Variants in SRA1 observed in about 807,000 individuals in gnomAD.
SRA1 encodes the protein steroid receptor RNA activator 1, also known as lncRNA SRA.
Under a neutral mutation model 24.3 loss-of-function variants are expected in SRA1, and 25 were observed. The ratio of observed to expected loss-of-function variants is 1.03; its 90% CI spans 0.75 to 1.43. The LOEUF is 1.43. SRA1 is among the 40% of genes most tolerant of loss of function. SRA1 has a pLI of 0.00. For missense variants in SRA1, 303 were observed against 286.6 expected (o/e 1.06, Z -0.41); for synonymous variants, 104 against 109.5 (o/e 0.95, Z 0.31).
In SRA1 at chr5:140,550,636, G is replaced by A; in HGVS notation, c.*64C>T. ...CAGTCTTGGTGGTGGTAAGAAGGGA[G>A]CCAAGTGACAGAAGGTCTCCAAGGC... is the stretch of plus-strand genomic sequence containing the variant. On this transcript the variant is annotated 3_prime_UTR_variant, in exon 5 of 5. Transcript: ENST00000336283. 1 of 1,522,380 alleles carries A rather than the reference G, an allele frequency of 6.6e-7. No individual in the cohort carries two copies. Among genetic ancestry groups the A allele is most frequent in the South Asian group, 1.1e-5 (1 of 88,770 alleles). 94.3% of individuals were successfully genotyped at this position (1,522,380 alleles called of 1,614,324 possible).
Position 140,550,622 on chromosome 5 carries a change from G to A in SRA1, c.*78C>T. On this transcript the variant is annotated 3_prime_UTR_variant, in exon 5 of 5. Transcript: ENST00000336283. ...CAGGCCCAGTGGGACAGTCTTGGTGGTGGTAAGAAGGGAGCCAAGTGACAG... is the reference window on the plus strand; with the variant it reads ...CAGGCCCAGTGGGACAGTCTTGGTGATGGTAAGAAGGGAGCCAAGTGACAG... 2 of 1,417,044 alleles carry A rather than the reference G, an allele frequency of 1.4e-6. No homozygotes were observed. The highest frequency in any genetic ancestry group is 2.0e-6 in the Non-Finnish European group (2 of 1,004,138). 87.8% of individuals were successfully genotyped at this position (1,417,044 alleles called of 1,614,324 possible).
At chr5:140,553,946 A>G (rs1754626667) in intron 2 of SRA1, among the ~76,000 whole-genome samples, 2 of 152,192 alleles carry the variant, frequency 1.3e-5, no homozygotes, top group Non-Finnish European at 2.9e-5. Flanking sequence ...CTGGAAGACA[A>G]AAGTCAAAAG....
At chr5:140,552,265 G>T in intron 2 of SRA1, 81 bp from the exon 3 acceptor site, 1 of 1,072,556 alleles carries the variant, frequency 9.3e-7, no homozygotes. Flanking sequence ...TCTAAGAAGG[G>T]CTACTCTCTG....
Position 140,551,997 on chromosome 5 carries a change from G to C in SRA1, c.339C>G (p.Cys113Trp). The C allele has an allele frequency of 6.2e-7, 1 of 1,613,934 alleles. No homozygotes were observed. The highest frequency in any genetic ancestry group is 1.3e-5 in the African/African-American group (1 of 75,028). ...LRPLEQALED[C>W]RGHTRKQVCD... ...CAGAGCTTACCCTTGTGTGGCCACG[G>C]CAGTCTTCCAATGCCTGTTCCAAAG... The change falls in exon 3 of 5, where the codon TGC (cysteine) becomes TGG (tryptophan). Residue 113 changes from cysteine (C) to tryptophan (W), a missense_variant. Physicochemically the swap from Cys to Trp is radical, Grantham distance 215. Transcript: ENST00000336283.
At chr5:140,550,979 A>T in intron 4 of SRA1, 68 bp from the exon 5 acceptor site, 2 of 1,579,626 alleles carry the variant, frequency 1.3e-6, no homozygotes, top group Non-Finnish European at 1.7e-6. Flanking sequence ...CCTCCCAGTC[A>T]ATCAAAATCT....
chr5:140,552,221 A>C (rs1351456897), intron 2 of SRA1, 37 bp from the exon 3 acceptor site: 1 of 1,452,518 alleles, frequency 6.9e-7, no homozygotes, highest in Admixed American at 2.3e-5. Flanking sequence ...ACATGGCTTA[A>C]ATGGGTAAGA....
chr5:140,556,801 T>C (rs550721786), intron 2 of SRA1, among the ~76,000 whole-genome samples: 1 of 152,136 alleles, frequency 6.6e-6, no homozygotes, highest in East Asian at 1.9e-4. Flanking sequence ...TATACCTAAG[T>C]GAAGACAGAA....
chr5:140,557,093 A>G, intron 2 of SRA1, 54 bp downstream of exon 2: 2 of 904,940 alleles, frequency 2.2e-6, no homozygotes, highest in Non-Finnish European at 3.2e-6. Context: ...CTTATGCCTT[A>G]CACCCCCCCC....
intron 2 of SRA1, among the ~76,000 whole-genome samples, chr5:140,552,568 G>A (rs1237069185): frequency 1.3e-5 from 2 of 151,798 alleles, no homozygotes; most frequent in African/African-American, 2.4e-5. Flanking sequence ...CAGGAGAATC[G>A]CTTGAACCCG....
intron 2 of SRA1, 43 bp downstream of exon 2, chr5:140,557,104 C>T (rs775097521): frequency 4.2e-6 from 5 of 1,200,458 alleles, no homozygotes; most frequent in South Asian, 2.7e-5. Context: ...CACCCCCCCC[C>T]CCCCATTCTC....
upstream of SRA1, chr5:140,557,541 G>C: frequency 6.8e-7 from 1 of 1,462,194 alleles, no homozygotes; most frequent in Non-Finnish European, 9.1e-7. Flanking sequence ...GGGCCAGGCG[G>C]GTTGCCGGAA....
rs570104955 is a variant in SRA1, at chr5:140,553,534, G to T, written c.152-1350C>A. Among the ~76,000 whole-genome samples, 10 of 152,318 alleles carry T rather than the reference G, an allele frequency of 6.6e-5. No individual in the cohort carries two copies. The South Asian group carries it at 2.1e-3, about 32-fold the overall frequency. On this transcript the variant is annotated intron_variant, in intron 2 of 4. Transcript: ENST00000336283. ...ATGGCTAAAAATTATTACCACTGAA[G>T]AAAGTAGTATGAGCTATCATTAGAG...
At chr5:140,555,567 C>T (rs1754672541) in intron 2 of SRA1, among the ~76,000 whole-genome samples, 1 of 152,164 alleles carries the variant, frequency 6.6e-6, no homozygotes, top group African/African-American at 2.4e-5. Context: ...TTCCCAATCT[C>T]CTTTGCTGAT....
In SRA1 at chr5:140,550,391, T is replaced by C; in HGVS notation, c.*309A>G. 1 of 414,218 alleles carries C rather than the reference T, an allele frequency of 2.4e-6. No homozygotes were observed. The highest frequency in any genetic ancestry group is 4.4e-6 in the Non-Finnish European group (1 of 224,898). 25.7% of individuals were successfully genotyped at this position (414,218 alleles called of 1,614,324 possible). A position where few individuals can be genotyped will look rare whatever the true frequency, so the allele number is the denominator to read the frequency against. On this transcript the variant is annotated 3_prime_UTR_variant, in exon 5 of 5. Transcript: ENST00000336283. ...TGACTTTACCCAGCAGATCCCTTCC[T>C]GATGAATGGAGAAGGGAGAACAGAG...
At chr5:140,556,654 T>C (rs10463297) in intron 2 of SRA1, among the ~76,000 whole-genome samples, 45,593 of 151,044 alleles carry the variant, frequency 0.3, 8,532 homozygotes, top group East Asian at 0.51. Context: ...CAACGTGGAC[T>C]TCCTGAAAGC....
At chr5:140,552,719 T>G (rs2127118095) in intron 2 of SRA1, among the ~76,000 whole-genome samples, 1 of 150,076 alleles carries the variant, frequency 6.7e-6, no homozygotes, top group East Asian at 2.0e-4. Flanking sequence ...CCTGTAATAC[T>G]AACACTTTGA....
chr5:140,554,246 G>T (rs1254226106), intron 2 of SRA1, among the ~76,000 whole-genome samples: 1 of 152,134 alleles, frequency 6.6e-6, no homozygotes, highest in East Asian at 1.9e-4. Flanking sequence ...GCTTGCACTT[G>T]GGAGGGAAAA....
chr5:140,557,107 C>A (rs766317034), intron 2 of SRA1, 40 bp downstream of exon 2: 6 of 1,147,782 alleles, frequency 5.2e-6, no homozygotes, highest in African/African-American at 1.7e-5. Context: ...CCCCCCCCCC[C>A]CATTCTCCGT....
intron 2 of SRA1, among the ~76,000 whole-genome samples, chr5:140,553,831 C>G (rs563506209): frequency 6.6e-6 from 1 of 152,220 alleles, no homozygotes; most frequent in African/African-American, 2.4e-5. Flanking sequence ...CTGAGATTTA[C>G]TTAGGAGGAA....
Sources: allele counts gnomAD v4.1 joint callset (sites outside exome capture counted in the v4.1 genomes callset), GRCh38; gene constraint gnomAD v4.1.1; transcripts MANE v1.5; gene names NCBI Gene and HGNC (gene_info 2026-07-23, HGNC 2026-07-21).